Variants in DOCK7 observed in about 807,000 individuals in gnomAD.
DOCK7 encodes dedicator of cytokinesis protein 7.
DOCK7 carries 138 observed loss-of-function variants against 271.0 expected under a neutral mutation model. The observed-to-expected ratio is 0.51, with a 90% CI of 0.44 to 0.59. The LOEUF (loss-of-function observed/expected upper bound fraction) is 0.59. Ranked by LOEUF, DOCK7 falls within the 20% of genes least tolerant of loss-of-function variation. The pLI is 0.00. For missense variants in DOCK7, 2,066 were observed against 2,592.4 expected (o/e 0.80, Z 4.41); for synonymous variants, 823 against 876.1 (o/e 0.94, Z 1.07).
Position 62,477,774 on chromosome 1 carries a change from C to A in DOCK7, c.5560G>T (p.Asp1854Tyr), listed in dbSNP as rs1191345154. ...TAAACAAATTCTTGTTCATCCAAATCCCCGAACTTGGTTCCATAAAAACCA... is the reference window on the plus strand; with the variant it reads ...TAAACAAATTCTTGTTCATCCAAATACCCGAACTTGGTTCCATAAAAACCA... ...RVGFYGTKFGDLDEQEFVYKE... is the reference protein window; with the variant it reads ...RVGFYGTKFGYLDEQEFVYKE... The change falls in exon 44 of 50, where the codon GAT (aspartate) becomes TAT (tyrosine). Residue 1854 changes from aspartate (D) to tyrosine (Y), a missense_variant. Transcript: ENST00000635253. 1.9e-6 allele frequency: 3 copies of A among 1,611,766 alleles called. No homozygotes were observed. The South Asian group carries it at 3.3e-5, about 18-fold the overall frequency.
chr1:62,677,280 C>T (rs1336569230), intron 1 of DOCK7, among the ~76,000 whole-genome samples: 5 of 152,078 alleles, frequency 3.3e-5, no homozygotes, highest in Non-Finnish European at 7.4e-5. Flanking sequence ...TCTCCTATAC[C>T]CCTAAACATA....
chr1:62,625,697 T>C (rs1270227839), intron 11 of DOCK7, among the ~76,000 whole-genome samples: 1 of 152,222 alleles, frequency 6.6e-6, no homozygotes, highest in African/African-American at 2.4e-5. Context: ...TACTACAAAA[T>C]GTTTACCACA....
At chr1:62,667,708 C>T (rs1659477746) in intron 1 of DOCK7, among the ~76,000 whole-genome samples, 1 of 152,076 alleles carries the variant, frequency 6.6e-6, no homozygotes, top group South Asian at 2.1e-4. Flanking sequence ...CACAGAGAGA[C>T]TCCATTTCAA....
At chr1:62,577,181 G>A (rs1291130978) in intron 18 of DOCK7, 81 bp downstream of exon 18, 7 of 788,342 alleles carry the variant, frequency 8.9e-6, no homozygotes, top group African/African-American at 1.8e-5. Context: ...GAAATGGCAA[G>A]AGTTTGCTTG....
At position 62,604,149 on chromosome 1, in the gene DOCK7, A is replaced by T; in HGVS notation, c.1682+14557T>A. On this transcript the variant is annotated intron_variant, in intron 14 of 49. Transcript: ENST00000635253. The stretch of plus-strand genomic sequence containing the variant: ...GTTGCGATTACTGGCAATGTCCCCA[A>T]TGCAATCCCGGAAAACAAAGATTTG... 4 of 1,613,460 alleles carry T rather than the reference A, an allele frequency of 2.5e-6. No homozygotes were observed. In the South Asian group the frequency reaches 3.3e-5, roughly 13 times the overall value.
chr1:62,554,860 T>C (rs1296536247), intron 21 of DOCK7, among the ~76,000 whole-genome samples: 1 of 152,224 alleles, frequency 6.6e-6, no homozygotes, highest in African/African-American at 2.4e-5. Flanking sequence ...TAAATGTCAA[T>C]TGCTTTTCTT....
intron 7 of DOCK7, among the ~76,000 whole-genome samples, chr1:62,639,474 G>T (rs994419022): frequency 1.7e-5 from 2 of 116,072 alleles, no homozygotes; most frequent in African/African-American, 7.1e-5. Context: ...TCGCTCTGTC[G>T]CCCAGGCTGG....
rs574865511 is a variant in DOCK7 at position 62,564,865 on chromosome 1, A to G, written c.2113-3162T>C. On this transcript the variant is annotated intron_variant, in intron 18 of 49. Transcript: ENST00000635253. ...GATGCAATAAAAAACGATAAAGGGGATATCACCACTGATCCAACAGAAATA... is the reference window on the plus strand; with the variant it reads ...GATGCAATAAAAAACGATAAAGGGGGTATCACCACTGATCCAACAGAAATA... 1.3e-4 allele frequency among the ~76,000 whole-genome samples: 20 copies of G among 152,344 alleles called. 2 individuals carry two copies. The South Asian group carries it at 2.3e-3, about 17-fold the overall frequency.
intron 8 of DOCK7, chr1:62,635,835 G>C (rs1278890874): frequency 6.6e-6 from 1 of 152,050 alleles, no homozygotes; most frequent in Non-Finnish European, 1.5e-5. Flanking sequence ...GGCCGGTCTT[G>C]AACTCCTGGC....
intron 16 of DOCK7, among the ~76,000 whole-genome samples, chr1:62,579,610 G>A (rs1055775610): frequency 1.4e-5 from 2 of 146,076 alleles, no homozygotes; most frequent in East Asian, 2.1e-4. Context: ...GCCGAGATGA[G>A]AGGATCACTT....
intron 7 of DOCK7, among the ~76,000 whole-genome samples, chr1:62,646,706 T>C (rs1192769750): frequency 6.6e-6 from 1 of 152,162 alleles, no homozygotes; most frequent in Non-Finnish European, 1.5e-5. Context: ...AGAAATAAAT[T>C]TCTACTGTGT....
chr1:62,502,396 G>A (rs549990912), intron 37 of DOCK7, among the ~76,000 whole-genome samples: 43 of 152,112 alleles, frequency 2.8e-4, no homozygotes, highest in African/African-American at 9.2e-4. Flanking sequence ...GCCCAATTTC[G>A]CATACATTTT....
At chr1:62,538,554 A>G (rs1197170446) in intron 27 of DOCK7, among the ~76,000 whole-genome samples, 1 of 152,228 alleles carries the variant, frequency 6.6e-6, no homozygotes, top group Non-Finnish European at 1.5e-5. Context: ...ATCAATGCTT[A>G]AAGAATAAAG....
Position 62,559,126 on chromosome 1 carries a change from T to C in DOCK7, c.2294A>G (p.Asn765Ser), listed in dbSNP as rs1646238479. Residue 765 changes from asparagine to serine, a missense_variant, in exon 20 of 50, where the codon AAC becomes AGC. Physicochemically the swap from Asn to Ser is conservative, Grantham distance 46. Transcript: ENST00000635253. Reference sequence around the variant, plus strand: ...ACTGCTCTTCAATTCATTTTCTAAGTTATTTTCCATGATTCGCATGTCCCC... The same window carrying C: ...ACTGCTCTTCAATTCATTTTCTAAGCTATTTTCCATGATTCGCATGTCCCC... The part of the protein sequence containing the change: ...RIGDMRIMEN[N>S]LENELKSSIS... 1.2e-6 allele frequency: 2 copies of C among 1,613,776 alleles called. No homozygotes were observed. Among genetic ancestry groups the C allele is most frequent in the African/African-American group, 2.7e-5 (2 of 74,918 alleles).
chr1:62,577,593 A>G (rs1213888297), intron 17 of DOCK7, among the ~76,000 whole-genome samples: 9 of 152,202 alleles, frequency 5.9e-5, no homozygotes, highest in Admixed American at 3.9e-4. Context: ...ATTATTACTA[A>G]CCATGCAATA....
chr1:62,490,069 T>TG (rs1402540971), intron 41 of DOCK7, among the ~76,000 whole-genome samples: 1 of 150,500 alleles, frequency 6.6e-6, no homozygotes, highest in Non-Finnish European at 1.5e-5. Context: ...CCTTTTTTTT[T>TG]TTTTTTTTTT....
intron 31 of DOCK7, among the ~76,000 whole-genome samples, chr1:62,518,394 A>G (rs1644738550): frequency 6.6e-6 from 1 of 152,050 alleles, no homozygotes; most frequent in Admixed American, 6.6e-5. Flanking sequence ...ACATGGTGAA[A>G]CCCTGTGTCT....
chr1:62,686,581 G>A (rs561289295), intron 1 of DOCK7, among the ~76,000 whole-genome samples: 1 of 152,232 alleles, frequency 6.6e-6, no homozygotes, highest in South Asian at 2.1e-4. Context: ...CTCCCTGGGA[G>A]AAACTAATTA....
chr1:62,477,980 G>T, intron 43 of DOCK7, 155 bp from the exon 44 acceptor site: 1 of 826,508 alleles, frequency 1.2e-6, no homozygotes, highest in Non-Finnish European at 1.7e-6. Flanking sequence ...TTTAAACAAA[G>T]TAAACAGTCT....
Sources: allele counts gnomAD v4.1 joint callset (sites outside exome capture counted in the v4.1 genomes callset), GRCh38; gene constraint gnomAD v4.1.1; transcripts MANE v1.5; gene names NCBI Gene and HGNC (gene_info 2026-07-23, HGNC 2026-07-21).